NLRP13: variants seen among roughly 807,000 people sequenced by gnomAD.
NLRP13 encodes the protein NACHT, LRR and PYD domains-containing protein 13.
A neutral mutation model predicts 94.4 loss-of-function variants in NLRP13; 82 were observed. The observed-to-expected ratio is 0.87, with a 90% CI of 0.73 to 1.04. NLRP13 has a LOEUF of 1.04. Among genes scored for constraint, NLRP13 ranks in the 50% least tolerant of loss-of-function variants. The probability of loss-of-function intolerance (pLI) is 0.00; values close to 1 mark genes in which losing one functional copy is unlikely to be tolerated. For missense variants in NLRP13, 1,426 were observed against 1,230.8 expected (o/e 1.16, Z -2.37); for synonymous variants, 553 against 464.7 (o/e 1.19, Z -2.45).
At chr19:55,930,686 CAAAAAAA>C (rs9304769) in intron 1 of NLRP13, among the ~76,000 whole-genome samples, 3 of 94,206 alleles carry the variant, frequency 3.2e-5, no homozygotes, top group African/African-American at 8.5e-5. Context: ...AACTCCATCT[CAAAAAAA>C]AAAAAAAAAA....
chr19:55,922,139 T>C (rs959468360), intron 4 of NLRP13, among the ~76,000 whole-genome samples: 17 of 151,936 alleles, frequency 1.1e-4, no homozygotes, highest in Non-Finnish European at 2.4e-4. Flanking sequence ...GGAGACTTAC[T>C]CACTGTCATG....
intron 4 of NLRP13, among the ~76,000 whole-genome samples, chr19:55,916,382 T>C (rs1197257651): frequency 6.6e-6 from 1 of 151,986 alleles, no homozygotes; most frequent in Non-Finnish European, 1.5e-5. Context: ...AAAATGAAAA[T>C]GTAAAAATGC....
chr19:55,914,175 G>A (rs550300591), intron 4 of NLRP13, among the ~76,000 whole-genome samples: 1 of 152,254 alleles, frequency 6.6e-6, no homozygotes, highest in Non-Finnish European at 1.5e-5. Flanking sequence ...CTACTGTGGG[G>A]CCAGTCACAG....
rs199475879 is a variant in NLRP13 at position 55,895,973 on chromosome 19, G to A, written c.3104C>T (p.Ser1035Leu). The stretch of plus-strand genomic sequence containing the variant: ...CCCGAGTTTCTGCAGCCTGCATGTC[G>A]ACTTTTTCAAAGCCTTACATAGCAT... ...VKMLCKALKK[S>L]TCRLQKLG The change falls in exon 11 of 11, where the codon TCG becomes TTG. Residue 1035 changes from serine to leucine, a missense_variant. By Grantham distance (145) the Ser-to-Leu change is moderately radical. Coordinates refer to ENST00000342929, the MANE Select transcript of NLRP13 (RefSeq NM_176810.2). 5 of 1,613,924 alleles carry A rather than the reference G, an allele frequency of 3.1e-6. No individual in the cohort carries two copies. The highest frequency in any genetic ancestry group is 1.1e-5 in the South Asian group (1 of 91,020).
At chr19:55,923,186 C>T (rs999641949) in intron 4 of NLRP13, among the ~76,000 whole-genome samples, 5 of 152,176 alleles carry the variant, frequency 3.3e-5, no homozygotes, top group Non-Finnish European at 7.3e-5. Context: ...TTAACAAAAG[C>T]ACCAAGTCCA....
Position 55,907,821 on chromosome 19 carries a change from T to C in NLRP13, c.2418A>G (p.Arg806=). The change falls in exon 7 of 11, where the codon AGA becomes AGG. Residue 806 remains arginine (R), a synonymous_variant. Transcript: ENST00000342929. ...MTVPLILKAL[R]HSACNLKYLC... ...GATACTTGAGGTTGCAAGCTGAGTG[T>C]CTCAAAGCTTTAAGAATCAGGGGGA... The C allele has an allele frequency of 5.6e-6, 9 of 1,613,898 alleles. No homozygotes were observed. The highest frequency in any genetic ancestry group is 7.6e-6 in the Non-Finnish European group (9 of 1,179,928).
chr19:55,919,964 G>A (rs1986773878), intron 4 of NLRP13, among the ~76,000 whole-genome samples: 1 of 152,004 alleles, frequency 6.6e-6, no homozygotes, highest in Non-Finnish European at 1.5e-5. Context: ...AAACAGCATG[G>A]TACTAGTACA....
intron 8 of NLRP13, 39 bp from the exon 9 acceptor site, chr19:55,902,244 G>A: frequency 6.3e-7 from 1 of 1,599,244 alleles, no homozygotes; most frequent in Non-Finnish European, 8.5e-7. Flanking sequence ...ACTCAGGGAA[G>A]CAGCCCAGAC....
At chr19:55,917,757 G>A (rs368364685) in intron 4 of NLRP13, among the ~76,000 whole-genome samples, 586 of 67,672 alleles carry the variant, frequency 8.7e-3, no homozygotes, top group African/African-American at 0.02. Flanking sequence ...CCATACCAGA[G>A]TACCTAGATT....
chr19:55,910,588 G>T lies in NLRP13; in HGVS notation c.2257C>A (p.Pro753Thr), dbSNP rs765351680. 6 of 1,606,122 alleles carry T rather than the reference G, an allele frequency of 3.7e-6. No homozygotes were observed. Among genetic ancestry groups the T allele is most frequent in the Non-Finnish European group, 5.1e-6 (6 of 1,174,156 alleles). ...GTCAGTTTCTGGACTTTGCATCTTG[G>T]ATTTTTCAGTGCAAGACAGAGACCC... ...VKGLCLALKNPRCKVQKLTCK... is the reference protein window; with the variant it reads ...VKGLCLALKNTRCKVQKLTCK... The change falls in exon 6 of 11, where the codon CCA (proline) becomes ACA (threonine). Residue 753 changes from proline (P) to threonine (T), a missense_variant. Coordinates refer to ENST00000342929, the MANE Select transcript of NLRP13 (RefSeq NM_176810.2).
At chr19:55,929,016 A>T (rs1443150590) in intron 1 of NLRP13, among the ~76,000 whole-genome samples, 1 of 152,246 alleles carries the variant, frequency 6.6e-6, no homozygotes, top group East Asian at 1.9e-4. Context: ...GCAGCCAACA[A>T]ACATGAAAAA....
At chr19:55,924,106 A>G (rs978567154) in intron 3 of NLRP13, 127 bp from the exon 4 acceptor site, 2 of 720,468 alleles carry the variant, frequency 2.8e-6, no homozygotes, top group Admixed American at 4.6e-5. Context: ...TGGAGAAATC[A>G]GCATGCCCAG....
rs753964003 is a variant in NLRP13, at chr19:55,912,336, A to G, written c.1481T>C (p.Met494Thr). Residue 494 changes from methionine (M) to threonine (T), a missense_variant, in exon 5 of 11, where the codon ATG becomes ACG. Met to Thr is a moderately conservative substitution (Grantham distance 81). Coordinates refer to ENST00000342929, the MANE Select transcript of NLRP13 (RefSeq NM_176810.2). ...CSLAIEGLWSMNFTFNKEDTE... is the reference protein window; with the variant it reads ...CSLAIEGLWSTNFTFNKEDTE... ...GTCTTCTTTGTTAAACGTGAAGTTC[A>G]TAGACCACAGCCCTTCTATGGCCAG... is the stretch of plus-strand genomic sequence containing the variant. The G allele has an allele frequency of 6.8e-5, 110 of 1,614,016 alleles. No individual in the cohort carries two copies. Among genetic ancestry groups the G allele is most frequent in the Non-Finnish European group, 9.2e-5 (108 of 1,180,018 alleles).
intron 3 of NLRP13, 129 bp from the exon 4 acceptor site, chr19:55,924,108 C>A: frequency 1.4e-6 from 1 of 714,096 alleles, no homozygotes; most frequent in Non-Finnish European, 2.5e-6. Context: ...GAGAAATCAG[C>A]ATGCCCAGTT....
intron 1 of NLRP13, among the ~76,000 whole-genome samples, chr19:55,929,883 AAAAAG>A (rs575178727): frequency 4.2e-4 from 43 of 101,742 alleles, no homozygotes; most frequent in South Asian, 2.6e-3. Context: ...TTCTTTGAAA[AAAAAG>A]AAAAGAAAAG....
chr19:55,930,898 A>ATATAT, intron 1 of NLRP13, among the ~76,000 whole-genome samples: 7 of 104,886 alleles, frequency 6.7e-5, no homozygotes, highest in East Asian at 3.9e-4. Flanking sequence ...ATATATATAT[A>ATATAT]AAATTTTAAC....
chr19:55,918,431 A>AT (rs1367450518), intron 4 of NLRP13, among the ~76,000 whole-genome samples: 1 of 152,016 alleles, frequency 6.6e-6, no homozygotes, highest in Non-Finnish European at 1.5e-5. Context: ...AAGAATCAGT[A>AT]AAACCAAAGC....
intron 1 of NLRP13, among the ~76,000 whole-genome samples, chr19:55,930,628 G>C (rs573965152): frequency 7.1e-6 from 1 of 141,082 alleles, no homozygotes; most frequent in East Asian, 2.1e-4. Flanking sequence ...GGAGAGTGCA[G>C]TAAGCCAAGA....
chr19:55,912,238 C>G lies in NLRP13; in HGVS notation c.1579G>C (p.Asp527His), dbSNP rs1986538234. The part of the protein sequence containing the change: ...YEFNILQKIN[D>H]CGGCTTFTHL... ...GTGAAAGTAGTGCAACCCCCACAGT[C>G]ATTGATCTTTTGAAGAATATTGAAC... Residue 527 changes from aspartate (D) to histidine (H), a missense_variant, in exon 5 of 11, where the codon GAC becomes CAC. By Grantham distance (81) the Asp-to-His change is moderately conservative. Coordinates refer to ENST00000342929, the MANE Select transcript of NLRP13 (RefSeq NM_176810.2). 2 of 1,614,144 alleles carry G rather than the reference C, an allele frequency of 1.2e-6. No homozygotes were observed. Among genetic ancestry groups the G allele is most frequent in the East Asian group, 4.5e-5 (2 of 44,888 alleles).
Sources: allele counts gnomAD v4.1 joint callset (sites outside exome capture counted in the v4.1 genomes callset), GRCh38; gene constraint gnomAD v4.1.1; transcripts MANE v1.5; gene names NCBI Gene and HGNC (gene_info 2026-07-23, HGNC 2026-07-21).